DCUN1D1: variants seen among roughly 807,000 people sequenced by gnomAD.
DCUN1D1 encodes defective in cullin neddylation 1 domain containing 1, also known as DCN1-like protein 1.
Under a neutral mutation model 39.0 loss-of-function variants are expected in DCUN1D1, and 3 were observed. The observed-to-expected ratio is 0.08, with a 90% CI of 0.04 to 0.20. The LOEUF is 0.20. DCUN1D1 is among the 10% of genes least tolerant of loss of function. The pLI is 1.00. For synonymous variants in DCUN1D1, 82 were observed against 96.3 expected (o/e 0.85, Z 0.87); for missense variants, 158 against 302.4 (o/e 0.52, Z 3.54).
At chr3:182,973,760 T>C (rs1022865467) in intron 1 of DCUN1D1, among the ~76,000 whole-genome samples, 4 of 151,372 alleles carry the variant, frequency 2.6e-5, no homozygotes, top group Non-Finnish European at 4.4e-5. Context: ...TGAGCTGAAA[T>C]TGTGCCATTG....
At chr3:182,945,552 G>C (rs2036710) in intron 6 of DCUN1D1, among the ~76,000 whole-genome samples, 1 of 152,000 alleles carries the variant, frequency 6.6e-6, no homozygotes, top group South Asian at 2.1e-4. Flanking sequence ...CAGTGAGATC[G>C]CGCCACTGCA....
chr3:182,977,462 G>A (rs994280812), intron 1 of DCUN1D1, among the ~76,000 whole-genome samples: 1 of 151,204 alleles, frequency 6.6e-6, no homozygotes, highest in East Asian at 2.0e-4. Flanking sequence ...TTTTTGAGAC[G>A]GAGTCTCGCT....
intron 4 of DCUN1D1, among the ~76,000 whole-genome samples, chr3:182,958,128 C>A (rs1354702908): frequency 6.6e-6 from 1 of 151,792 alleles, no homozygotes; most frequent in African/African-American, 2.4e-5. Flanking sequence ...CACTGTGAAC[C>A]CTTAGAAAGG....
At chr3:182,975,078 C>A (rs1728149451) in intron 1 of DCUN1D1, among the ~76,000 whole-genome samples, 1 of 152,076 alleles carries the variant, frequency 6.6e-6, no homozygotes, top group South Asian at 2.1e-4. Context: ...CCCAGACTTT[C>A]CTTATGCTTG....
intron 1 of DCUN1D1, chr3:182,985,666 G>A (rs968340553): frequency 6.6e-6 from 1 of 152,128 alleles, no homozygotes; most frequent in Non-Finnish European, 1.5e-5. Context: ...AAATAAATAA[G>A]AACCATTATA....
chr3:182,948,820 C>T (rs1286164749), intron 4 of DCUN1D1, among the ~76,000 whole-genome samples: 4 of 151,964 alleles, frequency 2.6e-5, no homozygotes, highest in South Asian at 2.1e-4. Context: ...GAGGTTGAGT[C>T]GGGCAGATCA....
chr3:182,943,570 A>G lies in DCUN1D1; in HGVS notation c.*1524T>C, dbSNP rs1726245350. 1 of 152,292 alleles carries G rather than the reference A, an allele frequency of 6.6e-6. No individual in the cohort carries two copies. The highest frequency in any genetic ancestry group is 6.5e-5 in the Admixed American group (1 of 15,268). The allele number at this position is 152,292 out of a possible 1,614,324, so 9.4% of individuals were successfully genotyped here. A position where few individuals can be genotyped will look rare whatever the true frequency, so the allele number is the denominator to read the frequency against. On this transcript the variant is annotated 3_prime_UTR_variant, in exon 7 of 7. Transcript: ENST00000292782. ...TTGCATAAAATGTACTGCTATTCTAAGTACATTCCTTTGTTAATATCAACC... is the reference window on the plus strand; with the variant it reads ...TTGCATAAAATGTACTGCTATTCTAGGTACATTCCTTTGTTAATATCAACC...
At position 182,943,045 on chromosome 3, in the gene DCUN1D1, G is replaced by A. The variant is rs1299644614; in HGVS notation, c.*2049C>T. On this transcript the variant is annotated 3_prime_UTR_variant, in exon 7 of 7. Coordinates refer to ENST00000292782, the MANE Select transcript of DCUN1D1 (RefSeq NM_020640.4). Reference sequence around the variant, plus strand: ...GTTGAAAAGGTTTTGCATTTAAAAAGAAAAATATGTAAAATCCAAGGCACT... The same window carrying A: ...GTTGAAAAGGTTTTGCATTTAAAAAAAAAAATATGTAAAATCCAAGGCACT... 2.5e-5 allele frequency: 2 copies of A among 80,540 alleles called. No individual in the cohort carries two copies. Among genetic ancestry groups the A allele is most frequent in the South Asian group, 3.9e-4 (1 of 2,582 alleles). The allele number at this position is 80,540 out of a possible 1,614,324, so 5.0% of individuals were successfully genotyped here. A position where few individuals can be genotyped will look rare whatever the true frequency, so the allele number is the denominator to read the frequency against.
chr3:182,947,426 C>T (rs1446632882), intron 5 of DCUN1D1, 92 bp from the exon 6 acceptor site: 44 of 1,117,932 alleles, frequency 3.9e-5, no homozygotes, highest in African/African-American at 1.1e-4. Context: ...GAATGCAAAA[C>T]AATTATGTAA....
intron 4 of DCUN1D1, among the ~76,000 whole-genome samples, chr3:182,955,142 G>A (rs1035103256): frequency 1.7e-4 from 26 of 152,066 alleles, no homozygotes; most frequent in African/African-American, 5.5e-4. Flanking sequence ...CAGGGTTCAA[G>A]GGATTCTCCT....
At chr3:182,969,993 G>A (rs975113854) in intron 1 of DCUN1D1, among the ~76,000 whole-genome samples, 1 of 152,106 alleles carries the variant, frequency 6.6e-6, no homozygotes, top group Non-Finnish European at 1.5e-5. Context: ...AGTAACTCAC[G>A]CCTGTAATCC....
chr3:182,953,369 TCAGA>T (rs1726853897), intron 4 of DCUN1D1, among the ~76,000 whole-genome samples: 3 of 152,138 alleles, frequency 2.0e-5, no homozygotes, highest in Non-Finnish European at 4.4e-5. Flanking sequence ...AAAGAAGCCC[TCAGA>T]AAGAAATTTA....
chr3:182,961,152 C>A, intron 4 of DCUN1D1, 74 bp downstream of exon 4: 1 of 1,071,172 alleles, frequency 9.3e-7, no homozygotes, highest in Non-Finnish European at 1.3e-6. Flanking sequence ...ACATAACTTT[C>A]TATTACAAAA....
chr3:182,959,310 A>ACT (rs1248558910), intron 4 of DCUN1D1, among the ~76,000 whole-genome samples: 1 of 151,666 alleles, frequency 6.6e-6, no homozygotes, highest in African/African-American at 2.4e-5. Context: ...ATGTTTAGTA[A>ACT]CTCGTGGGGC....
At chr3:182,957,830 C>T (rs950807148) in intron 4 of DCUN1D1, among the ~76,000 whole-genome samples, 1 of 147,342 alleles carries the variant, frequency 6.8e-6, no homozygotes, top group Non-Finnish European at 1.5e-5. Flanking sequence ...TCCAGCTACT[C>T]GGGAGGCGGA....
At chr3:182,980,310 G>C (rs1728473621) in intron 1 of DCUN1D1, 177 bp downstream of exon 1, 1 of 366,294 alleles carries the variant, frequency 2.7e-6, no homozygotes, top group Non-Finnish European at 3.8e-6. Context: ...GGGCGGGAAG[G>C]GGCGAAGGAG....
rs1372900011 is a variant in DCUN1D1 at position 182,940,402 on chromosome 3, C to A, written c.*4692G>T. 6.6e-6 allele frequency: 1 copy of A among 152,112 alleles called. No individual in the cohort carries two copies. 9.4% of individuals were successfully genotyped at this position (152,112 alleles called of 1,614,324 possible). On this transcript the variant is annotated 3_prime_UTR_variant, in exon 7 of 7. Transcript: ENST00000292782. ...AAACACTTCATTGTTTCCAATCAGG[C>A]TTTGTTTTTACGATGTGGGTTGAAA...
chr3:182,943,238 TATATATAG>T lies in DCUN1D1; in HGVS notation c.*1848_*1855del, dbSNP rs1211234631. 27 of 145,612 alleles carry T rather than the reference TATATATAG, an allele frequency of 1.9e-4. No homozygotes were observed. The highest frequency in any genetic ancestry group is 8.0e-4 in the East Asian group (4 of 4,978). The allele number at this position is 145,612 out of a possible 1,614,324, so 9.0% of individuals were successfully genotyped here. On this transcript the variant is annotated 3_prime_UTR_variant, in exon 7 of 7. Transcript: ENST00000292782. ...TCAAGACAGGAAACAAAACAGTACATATATATAGATATATAGATATATATATCTTTTAA... is the reference window on the plus strand; with the variant it reads ...TCAAGACAGGAAACAAAACAGTACATATATATAGATATATATATCTTTTAA...
At position 182,938,270 on chromosome 3, in the gene DCUN1D1, C is replaced by A. The variant is rs1201527204; in HGVS notation, c.*6824G>T. 6.6e-6 allele frequency: 1 copy of A among 150,862 alleles called. No homozygotes were observed. Among genetic ancestry groups the A allele is most frequent in the Non-Finnish European group, 1.5e-5 (1 of 67,852 alleles). The allele number at this position is 150,862 out of a possible 1,614,324, so 9.3% of individuals were successfully genotyped here. A position where few individuals can be genotyped will look rare whatever the true frequency, so the allele number is the denominator to read the frequency against. ...TTTTTTCAAAAAAATGAATTTGAAGCCAAAGAGTGGAGAGTGTGGGGATCC... is the reference window on the plus strand; with the variant it reads ...TTTTTTCAAAAAAATGAATTTGAAGACAAAGAGTGGAGAGTGTGGGGATCC... On this transcript the variant is annotated 3_prime_UTR_variant, in exon 7 of 7. Transcript: ENST00000292782.
Sources: gnomAD v4.1 joint callset for allele counts (sites outside exome capture counted in the v4.1 genomes callset) on GRCh38, gnomAD v4.1.1 for gene constraint, MANE v1.5 for transcripts, NCBI Gene and HGNC (gene_info 2026-07-23, HGNC 2026-07-21) for gene names.